CHKA: variants seen among roughly 807,000 people sequenced by gnomAD.
CHKA encodes CHETK-alpha.
A neutral mutation model predicts 60.1 loss-of-function variants in CHKA; 34 were observed. The ratio of observed to expected loss-of-function variants is 0.57; its 90% CI spans 0.43 to 0.75. The LOEUF is 0.75. Ranked by LOEUF, CHKA falls within the 30% of genes least tolerant of loss-of-function variation. The pLI, the probability that CHKA is intolerant of heterozygous loss-of-function variation, is 0.00. For synonymous variants in CHKA, 217 were observed against 223.1 expected (o/e 0.97, Z 0.24); for missense variants, 563 against 561.3 (o/e 1.00, Z -0.03).
At chr11:68,101,580 G>A (rs995423121) in intron 1 of CHKA, among the ~76,000 whole-genome samples, 14 of 151,480 alleles carry the variant, frequency 9.2e-5, no homozygotes, top group African/African-American at 2.9e-4. Context: ...CTGTGATCAC[G>A]CCACTGCATG....
chr11:68,079,020 G>A lies in CHKA; in HGVS notation c.516+2384C>T, dbSNP rs535859352. ...AAGATCTCGGCTCACTGAAGCCTCC[G>A]CCTCCTGGGTTCATGCGATTCTCCT... On this transcript the variant is annotated intron_variant, in intron 3 of 11. Coordinates refer to ENST00000265689, the MANE Select transcript of CHKA (RefSeq NM_001277.3). Among the ~76,000 whole-genome samples, 665 of 151,422 alleles carry A rather than the reference G, an allele frequency of 4.4e-3. 4 individuals are homozygous for A. Among genetic ancestry groups the A allele is most frequent in the African/African-American group, 0.015 (634 of 41,230 alleles).
At chr11:68,055,321 C>T (rs577491093) in intron 11 of CHKA, among the ~76,000 whole-genome samples, 1 of 152,236 alleles carries the variant, frequency 6.6e-6, no homozygotes, top group East Asian at 1.9e-4. Context: ...ACCCGGGAGG[C>T]GGAGGTTGCA....
intron 8 of CHKA, 85 bp from the exon 9 acceptor site, chr11:68,065,979 G>A: frequency 1.0e-6 from 1 of 952,444 alleles, no homozygotes; most frequent in Non-Finnish European, 1.6e-6. Context: ...GAAAGGCTGA[G>A]TTCCGAGCAC....
chr11:68,083,308 G>T (rs967241808), intron 2 of CHKA, among the ~76,000 whole-genome samples: 2 of 152,106 alleles, frequency 1.3e-5, no homozygotes, highest in African/African-American at 4.8e-5. Context: ...TGGCTGTGGG[G>T]TTAATTAGAA....
chr11:68,053,731 A>G lies in CHKA; in HGVS notation c.*257T>C. The G allele has an allele frequency of 5.1e-6, 2 of 395,086 alleles. No individual in the cohort carries two copies. Among genetic ancestry groups the G allele is most frequent in the South Asian group, 5.1e-5 (1 of 19,766 alleles). 24.5% of individuals were successfully genotyped at this position (395,086 alleles called of 1,614,324 possible). A position where few individuals can be genotyped will look rare whatever the true frequency, so the allele number is the denominator to read the frequency against. Reference sequence around the variant, plus strand: ...TATGAAATGCCTTCTCTAGATTAAAAGGATTCAGAGATGTTGCACTATTGC... The same window carrying G: ...TATGAAATGCCTTCTCTAGATTAAAGGGATTCAGAGATGTTGCACTATTGC... On this transcript the variant is annotated 3_prime_UTR_variant, in exon 12 of 12. Coordinates refer to ENST00000265689, the MANE Select transcript of CHKA (RefSeq NM_001277.3).
intron 3 of CHKA, among the ~76,000 whole-genome samples, chr11:68,077,985 CA>C (rs1279754782): frequency 6.6e-6 from 1 of 152,144 alleles, no homozygotes; most frequent in Non-Finnish European, 1.5e-5. Context: ...CTGGGGCTTA[CA>C]GATACCAATT....
At chr11:68,104,210 T>C (rs1857830356) in intron 1 of CHKA, among the ~76,000 whole-genome samples, 1 of 152,174 alleles carries the variant, frequency 6.6e-6, no homozygotes, top group Non-Finnish European at 1.5e-5. Flanking sequence ...AGGACAGTAC[T>C]TATATTAAGC....
At chr11:68,100,706 A>G (rs1330270415) in intron 1 of CHKA, among the ~76,000 whole-genome samples, 1 of 150,976 alleles carries the variant, frequency 6.6e-6, no homozygotes, top group East Asian at 1.9e-4. Flanking sequence ...ACACACACAT[A>G]TATATGAGAG....
chr11:68,092,119 A>G lies in CHKA; in HGVS notation c.462+4900T>C, dbSNP rs138218004. On this transcript the variant is annotated intron_variant, in intron 2 of 11. Coordinates refer to ENST00000265689, the MANE Select transcript of CHKA (RefSeq NM_001277.3). ...GTATAAGTACACATACATGTATAGG[A>G]TATGTGTATGCTTTCCCATAAGGTA... 2.0e-5 allele frequency among the ~76,000 whole-genome samples: 3 copies of G among 152,280 alleles called. No homozygotes were observed. The East Asian group carries it at 5.8e-4, about 29-fold the overall frequency.
At chr11:68,106,015 A>G (rs1199777567) in intron 1 of CHKA, among the ~76,000 whole-genome samples, 1 of 152,254 alleles carries the variant, frequency 6.6e-6, no homozygotes, top group Non-Finnish European at 1.5e-5. Flanking sequence ...GGCTGGCTAC[A>G]TGGAAAAGAG....
chr11:68,108,515 C>T (rs1326313165), intron 1 of CHKA, among the ~76,000 whole-genome samples: 2 of 152,178 alleles, frequency 1.3e-5, no homozygotes, highest in East Asian at 1.9e-4. Flanking sequence ...GAGGCCAAGG[C>T]GGGAGGATCA....
At position 68,054,874 on chromosome 11, in the gene CHKA, C is replaced by T. The variant is rs563369772; in HGVS notation, c.1315-827G>A. Among the ~76,000 whole-genome samples the T allele has an allele frequency of 2.6e-5, 4 of 152,316 alleles. No individual in the cohort carries two copies. In the East Asian group the frequency reaches 5.8e-4, roughly 22 times the overall value. On this transcript the variant is annotated intron_variant, in intron 11 of 11. Coordinates refer to ENST00000265689, the MANE Select transcript of CHKA (RefSeq NM_001277.3). ...CCGACTCAATATCTGTCACTATGGA[C>T]TGGACTTTTCTTTCCTAGAGTAGCA... is the stretch of plus-strand genomic sequence containing the variant.
intron 2 of CHKA, chr11:68,089,798 A>G (rs1366239817): frequency 6.6e-6 from 1 of 152,228 alleles, no homozygotes; most frequent in African/African-American, 2.4e-5. Flanking sequence ...GAATGCTCCA[A>G]CTTCAGAGGT....
rs1303019185 is a variant in CHKA, at chr11:68,064,631, G to A, written c.1126C>T (p.Leu376Phe). 2.6e-6 allele frequency: 4 copies of A among 1,565,390 alleles called. No individual in the cohort carries two copies. The highest frequency in any genetic ancestry group is 3.5e-6 in the Non-Finnish European group (4 of 1,150,974). The change falls in exon 10 of 12, where the codon CTC becomes TTC. Residue 376 changes from leucine (L) to phenylalanine (F), a missense_variant and splice_region_variant. Leu to Phe is a conservative substitution (Grantham distance 22). Transcript: ENST00000265689. Reference protein sequence around the residue: ...IRKYPTKKQQLHFISSYLPAF... With the variant: ...IRKYPTKKQQFHFISSYLPAF... Reference sequence around the variant, plus strand: ...GGCAAGTAACTGGAAATAAAATGGAGCTTAAAAAAAAGTAATTGTGTTAGG... The same window carrying A: ...GGCAAGTAACTGGAAATAAAATGGAACTTAAAAAAAAGTAATTGTGTTAGG...
Position 68,075,765 on chromosome 11 carries a change from C to T in CHKA, c.517-935G>A, listed in dbSNP as rs563299563. Among the ~76,000 whole-genome samples the T allele has an allele frequency of 2.0e-5, 3 of 152,122 alleles. No individual in the cohort carries two copies. The East Asian group carries it at 5.8e-4, about 29-fold the overall frequency. On this transcript the variant is annotated intron_variant, in intron 3 of 11. Transcript: ENST00000265689. Reference sequence around the variant, plus strand: ...AGCCTGGGCAACATAGTGAGATGCCCCACCACCACCGAAGTCTCTTTTTAA... The same window carrying T: ...AGCCTGGGCAACATAGTGAGATGCCTCACCACCACCGAAGTCTCTTTTTAA...
At chr11:68,062,178 C>T (rs770973242) in intron 10 of CHKA, 144 bp from the exon 11 acceptor site, 20 of 627,738 alleles carry the variant, frequency 3.2e-5, no homozygotes, top group Admixed American at 1.7e-4. Context: ...CTATATTCCA[C>T]GGGACTAACT....
At chr11:68,067,662 G>A (rs1336293965) in intron 7 of CHKA, among the ~76,000 whole-genome samples, 2 of 152,068 alleles carry the variant, frequency 1.3e-5, no homozygotes, top group African/African-American at 2.4e-5. Flanking sequence ...TTACCTCTTC[G>A]ATCCTTCCTA....
intron 1 of CHKA, among the ~76,000 whole-genome samples, chr11:68,109,556 G>A (rs1033681760): frequency 2.0e-5 from 3 of 152,172 alleles, no homozygotes; most frequent in African/African-American, 7.2e-5. Context: ...TCCCACCTAA[G>A]CGGGGAGGAG....
intron 1 of CHKA, among the ~76,000 whole-genome samples, chr11:68,116,194 T>C (rs534482850): frequency 2.4e-4 from 36 of 152,342 alleles, no homozygotes; most frequent in African/African-American, 6.0e-4. Flanking sequence ...ATTTCATTCA[T>C]TGAACTTCAT....
Sources: allele counts gnomAD v4.1 joint callset (sites outside exome capture counted in the v4.1 genomes callset), GRCh38; gene constraint gnomAD v4.1.1; transcripts MANE v1.5; gene names NCBI Gene and HGNC (gene_info 2026-07-23, HGNC 2026-07-21).